CRB1: variants seen among roughly 807,000 people sequenced by gnomAD.
CRB1 encodes protein crumbs homolog 1.
In CRB1, 83 loss-of-function variants were observed where a neutral mutation model predicts 120.0. The ratio of observed to expected loss-of-function variants is 0.69; its 90% CI spans 0.58 to 0.83. The LOEUF (loss-of-function observed/expected upper bound fraction) is 0.83, where lower values mean the gene tolerates loss of function less well. CRB1 is among the 40% of genes least tolerant of loss of function. The pLI, the probability that CRB1 is intolerant of heterozygous loss-of-function variation, is 0.00. For synonymous variants in CRB1, 625 were observed against 612.5 expected (o/e 1.02, Z -0.30); for missense variants, 1,699 against 1,687.6 (o/e 1.01, Z -0.12).
At chr1:197,414,148 A>G in intron 5 of CRB1, 1 of 280,298 alleles carries the variant, frequency 3.6e-6, no homozygotes, top group East Asian at 9.0e-5. Flanking sequence ...GGATATATTT[A>G]TGCATTGAGT....
At chr1:197,294,374 T>C (rs1656386827) in intron 1 of CRB1, among the ~76,000 whole-genome samples, 1 of 152,136 alleles carries the variant, frequency 6.6e-6, no homozygotes, top group Admixed American at 6.5e-5. Flanking sequence ...AGATACCATC[T>C]CACACCAGTT....
At chr1:197,233,527 A>T in the CRB1 span, among the ~76,000 whole-genome samples, 1 of 152,256 alleles carries the variant, frequency 6.6e-6, no homozygotes, top group Admixed American at 6.5e-5. Flanking sequence ...GTTCAAGGTG[A>T]TTTACTGATA....
At chr1:197,236,303 G>A in the CRB1 span, among the ~76,000 whole-genome samples, 1 of 148,112 alleles carries the variant, frequency 6.8e-6, no homozygotes, top group Non-Finnish European at 1.5e-5. Context: ...AGGTTCAAGC[G>A]ATTCTCCCGC....
At chr1:197,425,720 C>T (rs1480817546) in intron 6 of CRB1, among the ~76,000 whole-genome samples, 1 of 152,112 alleles carries the variant, frequency 6.6e-6, no homozygotes, top group African/African-American at 2.4e-5. Flanking sequence ...TCCCTTGGTT[C>T]TCCTCTTATC....
chr1:197,390,712 A>AT (rs1349858731), intron 5 of CRB1, among the ~76,000 whole-genome samples: 2 of 152,034 alleles, frequency 1.3e-5, no homozygotes, highest in Non-Finnish European at 2.9e-5. Context: ...AAAGACGTGA[A>AT]TTTTTTTAAT....
intron 5 of CRB1, among the ~76,000 whole-genome samples, chr1:197,419,056 G>T (rs1664151036): frequency 6.6e-6 from 1 of 152,140 alleles, no homozygotes; most frequent in Non-Finnish European, 1.5e-5. Flanking sequence ...ACCAAACAAT[G>T]TTATGAATAT....
the CRB1 span, among the ~76,000 whole-genome samples, chr1:197,203,981 G>T: frequency 6.6e-6 from 1 of 151,704 alleles, no homozygotes. Flanking sequence ...AGAGTCCATT[G>T]TATTATTCTT....
At chr1:197,246,106 AC>A in the CRB1 span, among the ~76,000 whole-genome samples, 1 of 151,978 alleles carries the variant, frequency 6.6e-6, no homozygotes. Flanking sequence ...GAGCCTTGTT[AC>A]CACCTGATAG....
chr1:197,409,158 G>A (rs902897825), intron 5 of CRB1, among the ~76,000 whole-genome samples: 2 of 152,038 alleles, frequency 1.3e-5, no homozygotes, highest in Non-Finnish European at 1.5e-5. Flanking sequence ...CAGAACTTTA[G>A]AATAGTATAA....
the CRB1 span, among the ~76,000 whole-genome samples, chr1:197,202,358 CA>C: frequency 6.6e-6 from 1 of 152,072 alleles, no homozygotes; most frequent in Non-Finnish European, 1.5e-5. Flanking sequence ...TGGATTTGCA[CA>C]AAGATTCATA....
chr1:197,336,024 A>G (rs1245045684), intron 2 of CRB1, among the ~76,000 whole-genome samples: 3 of 152,224 alleles, frequency 2.0e-5, no homozygotes, highest in South Asian at 2.1e-4. Flanking sequence ...TCTGTCCACC[A>G]TATTGCCATG....
intron 4 of CRB1, among the ~76,000 whole-genome samples, chr1:197,355,505 C>T (rs541638418): frequency 5.3e-5 from 8 of 152,294 alleles, no homozygotes; most frequent in Admixed American, 1.3e-4. Context: ...GCGGGGGGCT[C>T]AGGCATGGCG....
intron 11 of CRB1, among the ~76,000 whole-genome samples, chr1:197,470,198 T>C (rs1011366643): frequency 3.9e-5 from 6 of 152,200 alleles, no homozygotes; most frequent in Non-Finnish European, 5.9e-5. Flanking sequence ...AGGGAAACAA[T>C]TGGGAACAAG....
At chr1:197,439,893 G>A (rs369412694) in intron 10 of CRB1, 3 of 152,210 alleles carry the variant, frequency 2.0e-5, no homozygotes, top group African/African-American at 4.8e-5. Context: ...ACAAAACAGC[G>A]GGGAGTCTAG....
chr1:197,353,283 A>G (rs994437304), intron 4 of CRB1, among the ~76,000 whole-genome samples: 1 of 152,194 alleles, frequency 6.6e-6, no homozygotes, highest in African/African-American at 2.4e-5. Context: ...GAAGAGAGAA[A>G]AACATCACGA....
chr1:197,281,634 A>G (rs558386409), intron 1 of CRB1, among the ~76,000 whole-genome samples: 1 of 151,970 alleles, frequency 6.6e-6, no homozygotes, highest in South Asian at 2.1e-4. Flanking sequence ...AATGATGGAG[A>G]CCTCAAACAG....
chr1:197,392,604 G>A (rs1662562977), intron 5 of CRB1, among the ~76,000 whole-genome samples: 2 of 152,004 alleles, frequency 1.3e-5, no homozygotes, highest in South Asian at 4.1e-4. Context: ...AACTAAAAGG[G>A]AAAAGAGAAA....
chr1:197,442,139 G>C, intron 10 of CRB1, 27 bp from the exon 11 acceptor site: 1 of 1,614,014 alleles, frequency 6.2e-7, no homozygotes. Flanking sequence ...AGGGACCTGG[G>C]TTTCTGCTGT....
rs1294748005 is a variant in CRB1 at position 197,429,631 on chromosome 1, C to A, written c.2842+17C>A. 1 of 1,612,038 alleles carries A rather than the reference C, an allele frequency of 6.2e-7. No individual in the cohort carries two copies. The highest frequency in any genetic ancestry group is 1.7e-5 in the Admixed American group (1 of 59,970). ...GATTTGAATGTAGGTAGAGTTCAAA[C>A]CTACCATCTCACCAGTTAAGTTGCG... On this transcript the variant is annotated intron_variant, in intron 8 of 11. Coordinates refer to ENST00000367400, the MANE Select transcript of CRB1 (RefSeq NM_201253.3).
Sources: gnomAD v4.1 joint callset for allele counts (sites outside exome capture counted in the v4.1 genomes callset) on GRCh38, gnomAD v4.1.1 for gene constraint, MANE v1.5 for transcripts, NCBI Gene and HGNC (gene_info 2026-07-23, HGNC 2026-07-21) for gene names.